The following ARHGAP5 variants were observed in gnomAD, a reference collection of about 807,000 sequenced individuals.
ARHGAP5 encodes rho GTPase-activating protein 5.
In ARHGAP5, 23 loss-of-function variants were observed where a neutral mutation model predicts 116.6. The ratio of observed to expected loss-of-function variants is 0.20; its 90% CI spans 0.14 to 0.28. The LOEUF is 0.28. Ranked by LOEUF, ARHGAP5 falls within the 10% of genes least tolerant of loss-of-function variation. ARHGAP5 has a pLI of 1.00. For synonymous variants in ARHGAP5, 574 were observed against 602.0 expected (o/e 0.95, Z 0.68); for missense variants, 1,405 against 1,774.8 (o/e 0.79, Z 3.74).
intron 6 of ARHGAP5, among the ~76,000 whole-genome samples, chr14:32,153,042 G>T (rs941949071): frequency 3.5e-5 from 3 of 86,942 alleles, no homozygotes; most frequent in African/African-American, 6.7e-5. Flanking sequence ...GAACTGTATG[G>T]TTTTTTTTGT....
rs568633079 is a variant in ARHGAP5 at position 32,139,896 on chromosome 14, CT to C, written c.3866-6356del. On this transcript the variant is annotated intron_variant, in intron 3 of 6. Transcript: ENST00000345122. The stretch of plus-strand genomic sequence containing the variant: ...CTTTTTGTTCATGTCAAAGTATTTT[CT>C]TTTTTTTTTTCTAAAAGAAAAATAA... 4.3e-3 allele frequency among the ~76,000 whole-genome samples: 610 copies of C among 142,052 alleles called. 2 individuals are homozygous for C. Among genetic ancestry groups the C allele is most frequent in the African/African-American group, 0.014 (549 of 39,096 alleles). 93.2% of individuals were successfully genotyped at this position (142,052 alleles called of 152,430 possible).
At chr14:32,138,218 G>T (rs926009244) in intron 3 of ARHGAP5, among the ~76,000 whole-genome samples, 1 of 152,024 alleles carries the variant, frequency 6.6e-6, no homozygotes, top group African/African-American at 2.4e-5. Context: ...TAACTTTTAT[G>T]TGTTGATCTT....
intron 3 of ARHGAP5, among the ~76,000 whole-genome samples, chr14:32,123,884 C>G (rs1880012628): frequency 6.6e-6 from 1 of 152,056 alleles, no homozygotes; most frequent in East Asian, 1.9e-4. Flanking sequence ...TAGATTTGAC[C>G]CTGTGCCCCA....
rs761990330 is a variant in ARHGAP5 at position 32,093,432 on chromosome 14, A to C, written c.2763A>C (p.Leu921Phe). ...ITAKFTALYS[L>F]SQYHRQTEVF... ...CTAAATTTACAGCACTGTATTCTTT[A>C]TCTCAGTATCATCGGCAAACTGAGG... is the stretch of plus-strand genomic sequence containing the variant. Residue 921 changes from leucine to phenylalanine, a missense_variant, in exon 2 of 7, where the codon TTA (leucine) becomes TTC (phenylalanine). By Grantham distance (22) the Leu-to-Phe change is conservative (BLOSUM62 0). Around this residue, in one of 6 missense-constraint regions of ARHGAP5, gnomAD observed 944 missense variants for 1,095.3 expected, o/e 0.86. Transcript: ENST00000345122. 1.9e-6 allele frequency: 3 copies of C among 1,613,886 alleles called. No individual in the cohort carries two copies. The highest frequency in any genetic ancestry group is 2.5e-6 in the Non-Finnish European group (3 of 1,179,902).
chr14:32,130,643 C>T (rs369715410), intron 3 of ARHGAP5, among the ~76,000 whole-genome samples: 11 of 152,048 alleles, frequency 7.2e-5, no homozygotes, highest in East Asian at 3.9e-4. Flanking sequence ...TGGGTTCAAA[C>T]GATTCTCCTG....
chr14:32,094,365 C>T lies in ARHGAP5; in HGVS notation c.3696C>T (p.His1232=). The T allele has an allele frequency of 6.3e-7, 1 of 1,576,786 alleles. No homozygotes were observed. The highest frequency in any genetic ancestry group is 2.2e-5 in the East Asian group (1 of 44,570). Reference sequence around the variant, plus strand: ...ATAAGAAGATGAAGAAGAAAACCCACAAAGTGAAAGAAGATAAAAAGGTAA... The same window carrying T: ...ATAAGAAGATGAAGAAGAAAACCCATAAAGTGAAAGAAGATAAAAAGGTAA... ...LDDKKMKKKT[H]KVKEDKKQKK... The change falls in exon 2 of 7, where the codon CAC becomes CAT. Residue 1232 remains histidine (H), a synonymous_variant. Transcript: ENST00000345122.
intron 1 of ARHGAP5, among the ~76,000 whole-genome samples, chr14:32,084,005 C>T (rs559047808): frequency 6.6e-6 from 1 of 152,256 alleles, no homozygotes; most frequent in South Asian, 2.1e-4. Flanking sequence ...GGTTGATGAA[C>T]ATGGGATGAC....
At chr14:32,118,268 G>A (rs1037955866) in intron 3 of ARHGAP5, among the ~76,000 whole-genome samples, 2 of 152,156 alleles carry the variant, frequency 1.3e-5, no homozygotes, top group African/African-American at 4.8e-5. Flanking sequence ...GGAGGCTGAG[G>A]CAGTCGGATC....
At chr14:32,100,662 A>G (rs776248003) in intron 2 of ARHGAP5, among the ~76,000 whole-genome samples, 1 of 152,200 alleles carries the variant, frequency 6.6e-6, no homozygotes. Context: ...GTGTCCTCGG[A>G]TTTTAGTGTC....
At chr14:32,085,930 G>T (rs1225161938) in intron 1 of ARHGAP5, among the ~76,000 whole-genome samples, 1 of 152,064 alleles carries the variant, frequency 6.6e-6, no homozygotes, top group South Asian at 2.1e-4. Flanking sequence ...CATTCTCATG[G>T]TTTCATTTTT....
At chr14:32,137,759 G>C (rs1880883232) in intron 3 of ARHGAP5, among the ~76,000 whole-genome samples, 1 of 151,940 alleles carries the variant, frequency 6.6e-6, no homozygotes, top group Non-Finnish European at 1.5e-5. Context: ...GATACCTGAG[G>C]TCAGGAGTTC....
Position 32,090,536 on chromosome 14 carries a change from C to T in ARHGAP5, c.-134C>T. The T allele has an allele frequency of 2.6e-6, 2 of 761,524 alleles. No individual in the cohort carries two copies. The highest frequency in any genetic ancestry group is 4.1e-5 in the South Asian group (2 of 48,600). The allele number at this position is 761,524 out of a possible 1,614,324, so 47.2% of individuals were successfully genotyped here. Reference sequence around the variant, plus strand: ...CCCTATGATCTTGAAGATGTTTCTGCACAGAAATGAGGGAAATACAAAGAA... The same window carrying T: ...CCCTATGATCTTGAAGATGTTTCTGTACAGAAATGAGGGAAATACAAAGAA... On this transcript the variant is annotated 5_prime_UTR_variant, in exon 2 of 7. Transcript: ENST00000345122.
At chr14:32,112,276 T>A (rs1879346054) in intron 2 of ARHGAP5, among the ~76,000 whole-genome samples, 1 of 152,240 alleles carries the variant, frequency 6.6e-6, no homozygotes, top group African/African-American at 2.4e-5. Flanking sequence ...TGTTTGGTTT[T>A]TTAAAAATGT....
chr14:32,125,396 G>A (rs1321381986), intron 3 of ARHGAP5, among the ~76,000 whole-genome samples: 2 of 152,094 alleles, frequency 1.3e-5, no homozygotes, highest in African/African-American at 4.8e-5. Flanking sequence ...GTGGACATTT[G>A]GGTTATTTCC....
Position 32,101,624 on chromosome 14 carries a change from T to A in ARHGAP5, c.3717+7238T>A, listed in dbSNP as rs1347882311. ...TGTTCACATCTGAGAGAACCTGATT[T>A]AGGTTCTTGAAAGAATTTTGTGAAG... On this transcript the variant is annotated intron_variant, in intron 2 of 6. Coordinates refer to ENST00000345122, the MANE Select transcript of ARHGAP5 (RefSeq NM_001030055.2). Among the ~76,000 whole-genome samples, 3 of 151,552 alleles carry A rather than the reference T, an allele frequency of 2.0e-5. No homozygotes were observed. In the East Asian group the frequency reaches 5.8e-4, roughly 29 times the overall value.
At chr14:32,129,942 G>A (rs751228268) in intron 3 of ARHGAP5, among the ~76,000 whole-genome samples, 2 of 152,098 alleles carry the variant, frequency 1.3e-5, no homozygotes, top group Non-Finnish European at 2.9e-5. Context: ...GCTCACACCT[G>A]TAATACCAGT....
chr14:32,109,734 C>T (rs539102919), intron 2 of ARHGAP5, among the ~76,000 whole-genome samples: 8 of 152,040 alleles, frequency 5.3e-5, no homozygotes, highest in African/African-American at 1.9e-4. Context: ...ATAATTATTA[C>T]ATATTTGCAA....
intron 4 of ARHGAP5, among the ~76,000 whole-genome samples, chr14:32,149,422 A>G (rs987233873): frequency 2.6e-5 from 4 of 152,142 alleles, no homozygotes; most frequent in African/African-American, 9.7e-5. Context: ...TTATAACAGA[A>G]AAGGCTTATT....
chr14:32,100,066 A>C (rs369483129), intron 2 of ARHGAP5, among the ~76,000 whole-genome samples: 1 of 152,210 alleles, frequency 6.6e-6, no homozygotes, highest in African/African-American at 2.4e-5. Context: ...TTGAAATGCA[A>C]TTTCACAAAA....
Sources: allele counts gnomAD v4.1 joint callset (sites outside exome capture counted in the v4.1 genomes callset), GRCh38; gene constraint gnomAD v4.1.1; regional missense constraint gnomAD v4.1.1; transcripts MANE v1.5; gene names NCBI Gene and HGNC (gene_info 2026-07-23, HGNC 2026-07-21).